SMC1B: variants seen among roughly 807,000 people sequenced by gnomAD.
SMC1B encodes the protein structural maintenance of chromosomes protein 1B.
A neutral mutation model predicts 157.9 loss-of-function variants in SMC1B; 60 were observed. That is an observed-to-expected ratio of 0.38 (90% CI 0.31 to 0.47). The LOEUF is 0.47. SMC1B is among the 20% of genes least tolerant of loss of function. The pLI is 0.99. For missense variants in SMC1B, 1,165 were observed against 1,426.2 expected, an observed-to-expected ratio of 0.82 and a Z score of 2.95; for synonymous variants, 445 against 483.0, an observed-to-expected ratio of 0.92 and a Z score of 1.03.
At chr22:45,385,470 C>G (rs1360538214) in intron 11 of SMC1B, among the ~76,000 whole-genome samples, 1 of 151,988 alleles carries the variant, frequency 6.6e-6, no homozygotes, top group African/African-American at 2.4e-5. Flanking sequence ...ATCTAAAACA[C>G]AGAGAAAATT....
intron 1 of SMC1B, among the ~76,000 whole-genome samples, chr22:45,412,944 G>C (rs2087363480): frequency 6.6e-6 from 1 of 152,190 alleles, no homozygotes; most frequent in Non-Finnish European, 1.5e-5. Context: ...AAGGGAAAAG[G>C]GACGCGAGTG....
chr22:45,374,424 C>G (rs2086865631), intron 12 of SMC1B, among the ~76,000 whole-genome samples: 1 of 152,124 alleles, frequency 6.6e-6, no homozygotes, highest in Non-Finnish European at 1.5e-5. Flanking sequence ...TACAATACAG[C>G]AGTTCAGTCC....
rs914323005 is a variant in SMC1B at position 45,394,641 on chromosome 22, A to C, written c.1337+44T>G. On this transcript the variant is annotated intron_variant, in intron 8 of 24. Transcript: ENST00000357450. ...ATGGGAGTGAGACCCTCTCTCAAAA[A>C]ATAAAAGAAAATTGCTGCAAGAAAT... The C allele has an allele frequency of 3.4e-6, 5 of 1,473,500 alleles. No individual in the cohort carries two copies. The Admixed American group carries it at 1.0e-4, about 30-fold the overall frequency. 91.3% of individuals were successfully genotyped at this position (1,473,500 alleles called of 1,614,324 possible).
intron 8 of SMC1B, among the ~76,000 whole-genome samples, chr22:45,394,355 G>A (rs924337004): frequency 1.3e-5 from 2 of 151,752 alleles, no homozygotes; most frequent in Non-Finnish European, 2.9e-5. Flanking sequence ...AAATAAGAAA[G>A]CTGCAAGGGG....
chr22:45,353,893 CAAAAAA>C (rs3833396), intron 21 of SMC1B, 79 bp downstream of exon 21: 72 of 247,272 alleles, frequency 2.9e-4, no homozygotes, highest in East Asian at 2.7e-4. Context: ...TATTTCCCAC[CAAAAAA>C]AAAAAAAAAA....
In SMC1B at chr22:45,360,786, A is replaced by G. The variant is rs184383349; in HGVS notation, c.2709-828T>C. ...CTTGAAACACCGAAGGTCTTCGAAC[A>G]GTGAGAAAAACTGTGAAATGCCAAA... is the stretch of plus-strand genomic sequence containing the variant. On this transcript the variant is annotated intron_variant, in intron 17 of 24. Coordinates refer to ENST00000357450, the MANE Select transcript of SMC1B (RefSeq NM_148674.5). 3.9e-5 allele frequency among the ~76,000 whole-genome samples: 6 copies of G among 152,398 alleles called. No individual in the cohort carries two copies. The East Asian group carries it at 9.6e-4, about 24-fold the overall frequency.
At chr22:45,389,644 C>A in intron 10 of SMC1B, 68 bp downstream of exon 10, 5 of 1,392,420 alleles carry the variant, frequency 3.6e-6, no homozygotes, top group African/African-American at 1.4e-5. Flanking sequence ...TAGTTTTAGG[C>A]AATAAGATCA....
chr22:45,402,534 A>G lies in SMC1B; in HGVS notation c.653T>C (p.Met218Thr), dbSNP rs1006510495. 6.2e-7 allele frequency: 1 copy of G among 1,613,788 alleles called. No individual in the cohort carries two copies. Among genetic ancestry groups the G allele is most frequent in the Non-Finnish European group, 8.5e-7 (1 of 1,179,918 alleles). ...RYQSLLEELK[M>T]NKIQLQLFQL... ...AAAAAGCTGCAGTTGTATCTTGTTC[A>G]TTTTCAGTTCTTCAAGGAGACTCTG... The change falls in exon 5 of 25, where the codon ATG (methionine) becomes ACG (threonine). Residue 218 changes from methionine to threonine, a missense_variant. Coordinates refer to ENST00000357450, the MANE Select transcript of SMC1B (RefSeq NM_148674.5).
chr22:45,372,415 T>A (rs981128459), intron 12 of SMC1B, 123 bp from the exon 13 acceptor site: 3 of 759,938 alleles, frequency 3.9e-6, no homozygotes, highest in Admixed American at 3.3e-5. Context: ...CTTACCTCCC[T>A]TTCCTCTGAT....
chr22:45,350,641 T>C (rs1188880925), intron 22 of SMC1B, among the ~76,000 whole-genome samples: 1 of 152,170 alleles, frequency 6.6e-6, no homozygotes, highest in Non-Finnish European at 1.5e-5. Flanking sequence ...GGGTGACTAA[T>C]ACATATCTCA....
chr22:45,409,981 G>C (rs2087312678), intron 1 of SMC1B, among the ~76,000 whole-genome samples: 1 of 152,194 alleles, frequency 6.6e-6, no homozygotes, highest in African/African-American at 2.4e-5. Context: ...ACAATCTCCC[G>C]ATAAAAACGC....
intron 24 of SMC1B, 137 bp downstream of exon 24, chr22:45,345,322 T>A: frequency 1.9e-6 from 1 of 532,958 alleles, no homozygotes; most frequent in Non-Finnish European, 3.3e-6. Context: ...GTAGTTATTT[T>A]TAATCTTATT....
chr22:45,354,202 T>TA, intron 20 of SMC1B, 70 bp from the exon 21 acceptor site: 6 of 1,226,522 alleles, frequency 4.9e-6, no homozygotes, highest in Non-Finnish European at 6.5e-6. Context: ...CTGTAAAGCA[T>TA]AAAATATTTT....
chr22:45,389,988 C>T, intron 9 of SMC1B, 91 bp from the exon 10 acceptor site: 1 of 1,068,884 alleles, frequency 9.4e-7, no homozygotes, highest in South Asian at 1.5e-5. Context: ...GTAGCGCAGA[C>T]AAAAACTAAT....
At chr22:45,383,252 T>C (rs1406395253) in intron 12 of SMC1B, among the ~76,000 whole-genome samples, 1 of 151,424 alleles carries the variant, frequency 6.6e-6, no homozygotes, top group Non-Finnish European at 1.5e-5. Context: ...ACAAAGAAAA[T>C]TTCTGGAAGC....
chr22:45,387,996 C>G (rs1469915839), intron 10 of SMC1B, among the ~76,000 whole-genome samples: 1 of 151,386 alleles, frequency 6.6e-6, no homozygotes, highest in East Asian at 1.9e-4. Context: ...CACGCCATTG[C>G]ACTCCAGCCT....
intron 17 of SMC1B, among the ~76,000 whole-genome samples, chr22:45,361,250 C>T (rs1261399083): frequency 6.6e-6 from 1 of 152,152 alleles, no homozygotes; most frequent in Non-Finnish European, 1.5e-5. Flanking sequence ...AACAGGAAGA[C>T]ACCAATGTCA....
At chr22:45,395,346 A>G (rs1402024865) in intron 7 of SMC1B, among the ~76,000 whole-genome samples, 1 of 152,158 alleles carries the variant, frequency 6.6e-6, no homozygotes, top group Admixed American at 6.5e-5. Flanking sequence ...ACTGGAGACT[A>G]CCACAAGTCT....
intron 23 of SMC1B, among the ~76,000 whole-genome samples, chr22:45,346,068 G>A (rs2086548742): frequency 6.6e-6 from 1 of 152,000 alleles, no homozygotes; most frequent in African/African-American, 2.4e-5. Context: ...AGGCAGGCAT[G>A]GTGGCAGGTG....
Sources: allele counts gnomAD v4.1 joint callset (sites outside exome capture counted in the v4.1 genomes callset), GRCh38; gene constraint gnomAD v4.1.1; transcripts MANE v1.5; gene names NCBI Gene and HGNC (gene_info 2026-07-23, HGNC 2026-07-21).